RAD51B: variants seen among roughly 807,000 people sequenced by gnomAD.
RAD51B encodes the protein DNA repair protein RAD51 homolog 2.
A neutral mutation model predicts 42.2 loss-of-function variants in RAD51B; 38 were observed. That is an observed-to-expected ratio of 0.90 (90% confidence interval 0.70 to 1.18). RAD51B has a LOEUF of 1.18. Among genes scored for constraint, RAD51B ranks in the 50% most tolerant of loss-of-function variants. The pLI, the probability that RAD51B is intolerant of heterozygous loss-of-function variation, is 0.00. For synonymous variants in RAD51B, 154 were observed against 145.2 expected, an observed-to-expected ratio of 1.06 and a Z score of -0.43; for missense variants, 373 against 400.7, an observed-to-expected ratio of 0.93 and a Z score of 0.59.
intron 9 of RAD51B, among the ~76,000 whole-genome samples, chr14:68,432,089 A>G (rs1436660122): frequency 6.6e-6 from 1 of 152,128 alleles, no homozygotes; most frequent in Admixed American, 6.5e-5. Context: ...CCTGAGTTCT[A>G]GTTTGATTGC....
chr14:68,625,079 T>A (rs1464482458), intron 10 of RAD51B, among the ~76,000 whole-genome samples: 1 of 152,156 alleles, frequency 6.6e-6, no homozygotes, highest in Non-Finnish European at 1.5e-5. Flanking sequence ...ACACAGCCAA[T>A]AAGTGGTGGA....
At chr14:67,910,790 C>T (rs2043951741) in intron 7 of RAD51B, among the ~76,000 whole-genome samples, 1 of 150,796 alleles carries the variant, frequency 6.6e-6, no homozygotes, top group African/African-American at 2.5e-5. Context: ...AGATAGAATC[C>T]TTATGAAATA....
intron 7 of RAD51B, among the ~76,000 whole-genome samples, chr14:68,057,486 A>G (rs1264943767): frequency 6.6e-6 from 1 of 152,150 alleles, no homozygotes. Flanking sequence ...TAATTTAGAT[A>G]TAGGAGGTAG....
chr14:68,623,237 C>T (rs1891995915), intron 10 of RAD51B, among the ~76,000 whole-genome samples: 1 of 152,172 alleles, frequency 6.6e-6, no homozygotes, highest in Admixed American at 6.5e-5. Flanking sequence ...AATTTCCAAG[C>T]CCTACTTCTC....
At chr14:68,325,742 C>T (rs2082236008) in intron 8 of RAD51B, among the ~76,000 whole-genome samples, 1 of 152,028 alleles carries the variant, frequency 6.6e-6, no homozygotes, top group Non-Finnish European at 1.5e-5. Context: ...CCAAGGGAGA[C>T]ATCGATGATG....
At chr14:68,046,929 C>T (rs1428889963) in intron 7 of RAD51B, among the ~76,000 whole-genome samples, 2 of 150,818 alleles carry the variant, frequency 1.3e-5, no homozygotes, top group Admixed American at 6.6e-5. Flanking sequence ...ATTGTAGGAT[C>T]CTGTTTTTTT....
intron 7 of RAD51B, among the ~76,000 whole-genome samples, chr14:68,164,245 A>T: frequency 6.6e-6 from 1 of 152,260 alleles, no homozygotes; most frequent in South Asian, 2.1e-4. Flanking sequence ...TAAATGCCTT[A>T]GAGCATTTCC....
chr14:68,447,421 T>C (rs1234780864), intron 9 of RAD51B, among the ~76,000 whole-genome samples: 1 of 152,136 alleles, frequency 6.6e-6, no homozygotes, highest in African/African-American at 2.4e-5. Context: ...TTCCATCTTA[T>C]GCATTTGCTG....
At chr14:68,583,744 C>T (rs138949412) in intron 10 of RAD51B, among the ~76,000 whole-genome samples, 1 of 152,334 alleles carries the variant, frequency 6.6e-6, no homozygotes, top group African/African-American at 2.4e-5. Context: ...TGGGTGTGCA[C>T]ACCAGTAATG....
At position 68,161,300 on chromosome 14, in the gene RAD51B, T is replaced by A. The variant is rs868648514; in HGVS notation, c.757-130584T>A. Among the ~76,000 whole-genome samples the A allele has an allele frequency of 5.9e-5, 9 of 152,336 alleles. 1 individual carries two copies. Among genetic ancestry groups the A allele is most frequent in the Admixed American group, 1.3e-4 (2 of 15,300 alleles). On this transcript the variant is annotated intron_variant, in intron 7 of 10. Transcript: ENST00000471583. ...TTTTCTACTGGGTTGGCTTTATTAT[T>A]ATTCAGGTTTTTCCTGTGTAGTAGC...
At chr14:68,343,736 T>C in intron 8 of RAD51B, among the ~76,000 whole-genome samples, 1 of 152,220 alleles carries the variant, frequency 6.6e-6, no homozygotes, top group East Asian at 1.9e-4. Flanking sequence ...ACCCAGAGCA[T>C]TATGAGGAAA....
chr14:68,410,502 C>G (rs1432233141), intron 8 of RAD51B, among the ~76,000 whole-genome samples: 4 of 152,198 alleles, frequency 2.6e-5, no homozygotes, highest in African/African-American at 9.7e-5. Flanking sequence ...ACTGTGCCCT[C>G]CTAAGGTTAG....
intron 9 of RAD51B, among the ~76,000 whole-genome samples, chr14:68,422,724 A>G (rs2084740356): frequency 1.3e-5 from 2 of 152,204 alleles, no homozygotes; most frequent in African/African-American, 4.8e-5. Context: ...GCTACACATT[A>G]TCTGATGGGT....
chr14:67,878,102 T>G (rs1316320872), intron 5 of RAD51B, among the ~76,000 whole-genome samples: 1 of 152,242 alleles, frequency 6.6e-6, no homozygotes, highest in East Asian at 1.9e-4. Flanking sequence ...ATCTTTTATG[T>G]CAATATCTTT....
intron 8 of RAD51B, among the ~76,000 whole-genome samples, chr14:68,388,099 T>A (rs1284111885): frequency 2.7e-4 from 40 of 146,082 alleles, no homozygotes; most frequent in African/African-American, 8.2e-4. Context: ...TATATATTTT[T>A]TTTTTTTTTT....
chr14:68,370,278 G>A (rs1478486389), intron 8 of RAD51B, among the ~76,000 whole-genome samples: 1 of 152,204 alleles, frequency 6.6e-6, no homozygotes, highest in Non-Finnish European at 1.5e-5. Flanking sequence ...TAGAAGACAT[G>A]TTTAAAACTC....
At chr14:68,093,077 T>A (rs2077130566) in intron 7 of RAD51B, among the ~76,000 whole-genome samples, 1 of 149,928 alleles carries the variant, frequency 6.7e-6, no homozygotes, top group Non-Finnish European at 1.5e-5. Context: ...ATAAGCTTTT[T>A]GATGTGTTGC....
At chr14:68,127,681 T>C (rs2077797248) in intron 7 of RAD51B, among the ~76,000 whole-genome samples, 1 of 150,598 alleles carries the variant, frequency 6.6e-6, no homozygotes, top group Non-Finnish European at 1.5e-5. Flanking sequence ...TTTTTGTCCC[T>C]GGAAAACCAC....
At chr14:68,611,251 A>T in exon 11 of RAD51B, 1 of 702,330 alleles carries the variant, frequency 1.4e-6, no homozygotes, top group Middle Eastern at 2.3e-4. Flanking sequence ...AGTGTAACCC[A>T]GCCTAGTTTT....
Sources: allele counts gnomAD v4.1 joint callset (sites outside exome capture counted in the v4.1 genomes callset), GRCh38; gene constraint gnomAD v4.1.1; transcripts MANE v1.5; gene names NCBI Gene and HGNC (gene_info 2026-07-23, HGNC 2026-07-21).